Variants in PRSS53 observed in about 807,000 individuals in gnomAD.
The protein encoded by PRSS53 is serine protease 53.
Under a neutral mutation model 62.7 loss-of-function variants are expected in PRSS53, and 54 were observed. That is an observed-to-expected ratio of 0.86 (90% CI 0.69 to 1.08). The LOEUF is 1.08. Ranked by LOEUF, PRSS53 falls within the 50% of genes least tolerant of loss-of-function variation. PRSS53 has a pLI of 0.00. For missense variants in PRSS53, 688 were observed against 728.3 expected (o/e 0.94, Z 0.64); for synonymous variants, 273 against 300.0 (o/e 0.91, Z 0.93).
rs773504900 is a variant in PRSS53 at position 31,087,529 on chromosome 16, T to C, written c.242+8A>G. ...CGGAGACCCTGCCTGACCCCAGCCA[T>C]GACTTACTTTTCAAAGCAGTGGGCA... On this transcript the variant is annotated splice_region_variant and intron_variant, in intron 3 of 10. Transcript: ENST00000280606. 2.5e-6 allele frequency: 4 copies of C among 1,610,488 alleles called. No homozygotes were observed. Among genetic ancestry groups the C allele is most frequent in the Admixed American group, 1.7e-5 (1 of 59,864 alleles).
Position 31,084,222 on chromosome 16 carries a change from C to A in PRSS53, c.1539G>T (p.Ala513=), listed in dbSNP as rs550113130. The A allele has an allele frequency of 3.7e-6, 6 of 1,611,438 alleles. No homozygotes were observed. In the South Asian group the frequency reaches 6.6e-5, roughly 18 times the overall value. ...TGACCCAGTCCTCATAGGCAGGGAG[C>A]GCGGTGAAGACCGCCGGCCTGGCGG... The change falls in exon 10 of 11, where the codon GCG becomes GCT. Residue 513 remains alanine, a synonymous_variant. Transcript: ENST00000280606.
rs544115289 is a variant in PRSS53 at position 31,084,604 on chromosome 16, G to A, written c.1379C>T (p.Pro460Leu). 1.3e-4 allele frequency: 211 copies of A among 1,606,520 alleles called. 3 individuals are homozygous for A. The South Asian group carries it at 1.6e-3, about 12-fold the overall frequency. ...CACAGCACTGGTACACACCATCCCC[G>A]GCAGAATAGGGCTGCCATCACCCCC... The change falls in exon 9 of 11, where the codon CCG becomes CTG. Residue 460 changes from proline to leucine, a missense_variant. Coordinates refer to ENST00000280606, the Ensembl canonical transcript of PRSS53.
At chr16:31,088,562 G>A (rs979485012) in intron 1 of PRSS53, 190 bp downstream of exon 1, 6 of 1,433,184 alleles carry the variant, frequency 4.2e-6, no homozygotes, top group East Asian at 2.5e-5. Context: ...CAGCTGGCCC[G>A]AGAAAATCTC....
chr16:31,087,272 C>G, intron 3 of PRSS53: 1 of 559,714 alleles, frequency 1.8e-6, no homozygotes, highest in Non-Finnish European at 3.2e-6. Flanking sequence ...GCTGGGATTA[C>G]AAGCGTGAGC....
At chr16:31,087,750 CCCCAGTCCCAA>C in intron 2 of PRSS53, 45 bp downstream of exon 2, 2 of 1,614,176 alleles carry the variant, frequency 1.2e-6, no homozygotes, top group Admixed American at 3.3e-5. Flanking sequence ...CCTGACCTCA[CCCCAGTCCCAA>C]CCCAGACCCA....
chr16:31,088,134 GAGTC>G (rs1349996575), intron 1 of PRSS53: 4 of 1,344,312 alleles, frequency 3.0e-6, no homozygotes, highest in Non-Finnish European at 3.8e-6. Context: ...CCCCGCCACT[GAGTC>G]AGCCAGGCGG....
intron 10 of PRSS53, 57 bp downstream of exon 10, chr16:31,084,062 G>C: frequency 6.5e-7 from 1 of 1,535,268 alleles, no homozygotes; most frequent in South Asian, 1.2e-5. Context: ...CGTTCTCACT[G>C]GAGAGAGAAG....
chr16:31,088,597 A>G, intron 1 of PRSS53, 155 bp downstream of exon 1: 1 of 1,459,256 alleles, frequency 6.9e-7, no homozygotes, highest in Non-Finnish European at 9.0e-7. Context: ...AGGTGGCCAC[A>G]TATACCACCC....
At chr16:31,088,426 CTG>C in intron 1 of PRSS53, 2 of 1,223,604 alleles carry the variant, frequency 1.6e-6, no homozygotes, top group African/African-American at 1.5e-5. Context: ...GAAAGGGAAA[CTG>C]AGGCCAGAGG....
In PRSS53 at chr16:31,083,877, T is replaced by TTCCTCGAAGGA; in HGVS notation, c.1643-79_1643-69dup. 1.0e-5 allele frequency: 13 copies of TTCCTCGAAGGA among 1,249,998 alleles called. No homozygotes were observed. The South Asian group carries it at 1.5e-4, about 14-fold the overall frequency. 77.4% of individuals were successfully genotyped at this position (1,249,998 alleles called of 1,614,324 possible). A position where few individuals can be genotyped will look rare whatever the true frequency, so the allele number is the denominator to read the frequency against. On this transcript the variant is annotated intron_variant, in intron 10 of 10. Transcript: ENST00000280606. ...GCTTTGGTCCCTCCCTCCCTCCCCA[T>TTCCTCGAAGGA]TCCTCGAAGGAACAGGGTCTGTCTT...
Position 31,086,004 on chromosome 16 carries a change from G to C in PRSS53, c.843C>G (p.Ser281Arg), listed in dbSNP as rs768600226. 8.2e-5 allele frequency: 132 copies of C among 1,613,962 alleles called. No individual in the cohort carries two copies. Among genetic ancestry groups the C allele is most frequent in the Non-Finnish European group, 1.1e-4 (125 of 1,180,050 alleles). ...CATCACTCATCTCCGGGGTCTCTGG[G>C]CTCTGGGCCAGGAAAGCTGCCCCCT... Residue 281 changes from serine (S) to arginine (R), a missense_variant, in exon 6 of 11, where the codon AGC becomes AGG. Transcript: ENST00000280606.
At chr16:31,087,457 G>T in intron 3 of PRSS53, 80 bp downstream of exon 3, 1 of 1,029,558 alleles carries the variant, frequency 9.7e-7, no homozygotes, top group African/African-American at 1.6e-5. Context: ...TCTAGAGGCA[G>T]GGACTAGCCT....
exon 11 of PRSS53, chr16:31,083,510 C>T: frequency 7.5e-7 from 1 of 1,336,528 alleles, no homozygotes; most frequent in Non-Finnish European, 9.6e-7. Context: ...ATTTTCAAAA[C>T]AACGTGGCTG....
exon 11 of PRSS53, chr16:31,083,637 C>T (rs1326562984): frequency 2.6e-6 from 4 of 1,522,214 alleles, no homozygotes; most frequent in Admixed American, 2.0e-5. Context: ...GGAGTGGGCA[C>T]CTGTGGCCCC....
chr16:31,088,481 G>A (rs1271777810), intron 1 of PRSS53: 161 of 1,335,056 alleles, frequency 1.2e-4, no homozygotes, highest in Non-Finnish European at 8.7e-5. Context: ...TCGAGGGGGA[G>A]GCAGGCACAG....
chr16:31,088,717 A>G, intron 1 of PRSS53, 35 bp downstream of exon 1: 1 of 1,611,858 alleles, frequency 6.2e-7, no homozygotes, highest in Non-Finnish European at 8.5e-7. Context: ...AGCCCCCACC[A>G]GGCCACACCC....
At position 31,084,715 on chromosome 16, in the gene PRSS53, G is replaced by T; in HGVS notation, c.1280-12C>A. On this transcript the variant is annotated splice_polypyrimidine_tract_variant and intron_variant, in intron 8 of 10. Transcript: ENST00000280606. ...GAGGGAGCTGATGCCTGTGGAGCAA[G>T]GGAAAGCTGGCTGCCCCGGCCTGCA... 6.2e-7 allele frequency: 1 copy of T among 1,606,818 alleles called. No individual in the cohort carries two copies.
Position 31,084,116 on chromosome 16 carries a change from T to C in PRSS53, c.1642+3A>G, listed in dbSNP as rs1261334604. 3 of 1,571,176 alleles carry C rather than the reference T, an allele frequency of 1.9e-6. No homozygotes were observed. The highest frequency in any genetic ancestry group is 1.7e-6 in the Non-Finnish European group (2 of 1,159,062). ...TTTGGCAGGAGGCCCCGGGGCCACA[T>C]ACTTATGTTGGCCAGGCAGCTTCCA... On this transcript the variant is annotated splice_donor_region_variant and intron_variant, in intron 10 of 10. Coordinates refer to ENST00000280606, the Ensembl canonical transcript of PRSS53.
At position 31,085,829 on chromosome 16, in the gene PRSS53, G is replaced by T. The variant is rs77107624; in HGVS notation, c.883+135C>A. 1,081 of 770,006 alleles carry T rather than the reference G, an allele frequency of 1.4e-3. 12 individuals carry two copies. The African/African-American group carries it at 0.017, about 12-fold the overall frequency. The allele number at this position is 770,006 out of a possible 1,614,324, so 47.7% of individuals were successfully genotyped here. ...GCCTGTGCCTCTCAGCCCTAACAGG[G>T]CTGTTCCCATCCCAGGGGGTGAAAG... is the stretch of plus-strand genomic sequence containing the variant. On this transcript the variant is annotated intron_variant, in intron 6 of 10. Coordinates refer to ENST00000280606, the Ensembl canonical transcript of PRSS53.
Sources: gnomAD v4.1 joint callset for allele counts on GRCh38, gnomAD v4.1.1 for gene constraint, MANE v1.5 for transcripts, NCBI Gene and HGNC (gene_info 2026-07-23, HGNC 2026-07-21) for gene names.